The following LILRB3 variants were observed in gnomAD, a reference collection of about 807,000 sequenced individuals.
The protein encoded by LILRB3 is leukocyte immunoglobulin-like receptor subfamily B member 3.
Under a neutral mutation model 68.2 loss-of-function variants are expected in LILRB3, and 32 were observed. The ratio of observed to expected loss-of-function variants is 0.47; its 90% CI spans 0.35 to 0.63. LILRB3 has a LOEUF of 0.63. Among genes scored for constraint, LILRB3 ranks in the 30% least tolerant of loss-of-function variants. The pLI, the probability that LILRB3 is intolerant of heterozygous loss-of-function variation, is 0.00. For synonymous variants in LILRB3, 185 were observed against 323.1 expected, an observed-to-expected ratio of 0.57 and a Z score of 4.58; for missense variants, 502 against 791.3, an observed-to-expected ratio of 0.63 and a Z score of 4.39.
chr19:54,219,545 A>C, intron 7 of LILRB3: 1 of 1,550,286 alleles, frequency 6.5e-7, no homozygotes. Context: ...AAAGAGCCTG[A>C]CCGTCCTGAA....
At position 54,220,127 on chromosome 19, in the gene LILRB3, C is replaced by T. The variant is rs376976191; in HGVS notation, c.1309+28G>A. The T allele has an allele frequency of 8.4e-5, 127 of 1,508,230 alleles. 1 individual carries two copies. The highest frequency in any genetic ancestry group is 1.1e-4 in the Non-Finnish European group (118 of 1,119,212). The allele number at this position is 1,508,230 out of a possible 1,614,324, so 93.4% of individuals were successfully genotyped here. On this transcript the variant is annotated intron_variant, in intron 7 of 12. Coordinates refer to ENST00000445347, the Ensembl canonical transcript of LILRB3. The stretch of plus-strand genomic sequence containing the variant: ...ACTCAGACTGCCCTGGGGGAGGCGG[C>T]GCTCCCCAAGAGGCCTCAGTGACTC...
chr19:54,219,458 A>C (rs1192630490), intron 7 of LILRB3: 6 of 1,539,268 alleles, frequency 3.9e-6, no homozygotes, highest in Non-Finnish European at 4.4e-6. Flanking sequence ...AGGAAGCGGC[A>C]GAGCTGGGAA....
At chr19:54,221,443 T>C in intron 4 of LILRB3, 64 bp from the exon 5 acceptor site, 1 of 1,518,734 alleles carries the variant, frequency 6.6e-7, no homozygotes, top group African/African-American at 1.4e-5. Flanking sequence ...CCTTCTCCCG[T>C]CCTGGCCCTG....
chr19:54,216,535 C>A (rs1568928155), exon 13 of LILRB3: 2 of 675,758 alleles, frequency 3.0e-6, no homozygotes, highest in Non-Finnish European at 3.7e-6. Flanking sequence ...TGGTCTCGAT[C>A]TCCTGACCTC....
In LILRB3 at chr19:54,221,822, C is replaced by T. The variant is rs1290470275; in HGVS notation, c.658+6G>A. ...AGTGTGTTAGACAAGGCCGTGGCTC[C>T]CTCACCTGAGGGCAGAATCTCCAGG... is the stretch of plus-strand genomic sequence containing the variant. On this transcript the variant is annotated splice_donor_region_variant and intron_variant, in intron 4 of 12. Coordinates refer to ENST00000445347, the Ensembl canonical transcript of LILRB3. 1.3e-3 allele frequency: 2,018 copies of T among 1,591,072 alleles called. 3 individuals carry two copies. In the African/African-American group the frequency reaches 0.026, roughly 20 times the overall value.
intron 2 of LILRB3, 44 bp downstream of exon 2, chr19:54,222,703 C>A: frequency 6.2e-7 from 1 of 1,612,538 alleles, no homozygotes; most frequent in Non-Finnish European, 8.5e-7. Flanking sequence ...GGCCCCCTGT[C>A]CCAGTGAGGA....
chr19:54,219,903 C>T lies in LILRB3; in HGVS notation c.1309+252G>A. 3 of 1,546,404 alleles carry T rather than the reference C, an allele frequency of 1.9e-6. No individual in the cohort carries two copies. In the South Asian group the frequency reaches 3.6e-5, roughly 18 times the overall value. ...GGCCTGACCCTGGGGGGTTAAGGGG[C>T]TGGTCCTCAGGACCTCCTGGGTCAG... On this transcript the variant is annotated intron_variant, in intron 7 of 12. Transcript: ENST00000445347.
exon 3 of LILRB3, chr19:54,222,342 G>A: frequency 6.2e-7 from 1 of 1,602,466 alleles, no homozygotes; most frequent in Non-Finnish European, 8.5e-7. Flanking sequence ...AATAGTGGCA[G>A]CGGTATCTCC....
exon 13 of LILRB3, chr19:54,216,844 G>GTTTTTGT: frequency 7.1e-7 from 1 of 1,402,766 alleles, no homozygotes; most frequent in Non-Finnish European, 9.3e-7. Flanking sequence ...CTTTACGTCT[G>GTTTTTGT]TTTTTGTTTT....
chr19:54,217,669 C>T (rs969700932), intron 11 of LILRB3, 195 bp from the exon 12 acceptor site: 51 of 969,414 alleles, frequency 5.3e-5, no homozygotes, highest in Non-Finnish European at 7.1e-5. Context: ...TGACCTTGCC[C>T]ATTTGGCTGC....
Position 54,219,254 on chromosome 19 carries a change from G to C in LILRB3, c.1310-9C>G. On this transcript the variant is annotated splice_polypyrimidine_tract_variant and intron_variant, in intron 7 of 12. Coordinates refer to ENST00000445347, the Ensembl canonical transcript of LILRB3. ...CAGGTATCTTCCCAGACCTTGACAT[G>C]AGGACGTCAGGAGTGGGAATGATGT... 1 of 1,547,976 alleles carries C rather than the reference G, an allele frequency of 6.5e-7. No homozygotes were observed. The highest frequency in any genetic ancestry group is 8.7e-7 in the Non-Finnish European group (1 of 1,148,210).
rs879101222 is a variant in LILRB3, at chr19:54,219,491, C to CA, written c.1310-247dup. On this transcript the variant is annotated intron_variant, in intron 7 of 12. Coordinates refer to ENST00000445347, the Ensembl canonical transcript of LILRB3. ...GAAGGGAGCCCGGGAGTCTGACCTGCAGCCCTTGTTCCTGCACCAGAGCCG... is the reference window on the plus strand; with the variant it reads ...GAAGGGAGCCCGGGAGTCTGACCTGCAAGCCCTTGTTCCTGCACCAGAGCCG... 6 of 1,550,222 alleles carry CA rather than the reference C, an allele frequency of 3.9e-6. No individual in the cohort carries two copies. In the South Asian group the frequency reaches 7.1e-5, roughly 18 times the overall value.
rs140892122 is a variant in LILRB3, at chr19:54,220,097, G to C, written c.1309+58C>G. The stretch of plus-strand genomic sequence containing the variant: ...TGAGGGGAGGGGAGTGGGATCCTTT[G>C]GGAGACTCAGACTGCCCTGGGGGAG... On this transcript the variant is annotated intron_variant, in intron 7 of 12. Transcript: ENST00000445347. 1.9e-3 allele frequency: 2,813 copies of C among 1,504,902 alleles called. 20 individuals are homozygous for C. In the African/African-American group the frequency reaches 0.035, roughly 19 times the overall value. 93.2% of individuals were successfully genotyped at this position (1,504,902 alleles called of 1,614,324 possible).
At chr19:54,219,752 C>G (rs117449986) in intron 7 of LILRB3, 163,325 of 1,475,218 alleles carry the variant, frequency 0.11, 9,554 homozygotes, top group Middle Eastern at 0.15. Flanking sequence ...AACTGAGGCC[C>G]AGGCAGGGGA....
chr19:54,222,319 C>T (rs2078272645), exon 3 of LILRB3: 1 of 1,609,418 alleles, frequency 6.2e-7, no homozygotes, highest in Admixed American at 1.7e-5. Flanking sequence ...CTCTGACCAG[C>T]CTGCAGAGCT....
At chr19:54,216,959 C>G in exon 13 of LILRB3, 1 of 1,512,260 alleles carries the variant, frequency 6.6e-7, no homozygotes, top group Non-Finnish European at 8.9e-7. Context: ...CCACAAGTTC[C>G]CAGCGTCTCC....
rs187929331 is a variant in LILRB3 at position 54,219,190 on chromosome 19, C to T, written c.1365G>A (p.Leu455=). The change falls in exon 8 of 13, where the codon CTG becomes CTA. Residue 455 remains leucine, a synonymous_variant. Transcript: ENST00000445347. The stretch of plus-strand genomic sequence containing the variant: ...GGAGGAGGAAGAGGAGGAGGAAGAG[C>T]AGCAGGACGAAGGCCACCGAGACCC... The T allele has an allele frequency of 5.6e-6, 9 of 1,603,234 alleles. No individual in the cohort carries two copies. The African/African-American group carries it at 1.2e-4, about 22-fold the overall frequency.
At chr19:54,216,827 A>G in exon 13 of LILRB3, 1 of 1,358,314 alleles carries the variant, frequency 7.4e-7, no homozygotes, top group African/African-American at 1.5e-5. Context: ...TGAGTACCAC[A>G]CCCGGCCTTT....
intron 11 of LILRB3, among the ~76,000 whole-genome samples, chr19:54,217,971 G>A (rs2077657511): frequency 6.7e-6 from 1 of 148,570 alleles, no homozygotes; most frequent in Non-Finnish European, 1.5e-5. Context: ...AGGCGGGGGC[G>A]GCTTTGCTCC....
Sources: allele counts gnomAD v4.1 joint callset (sites outside exome capture counted in the v4.1 genomes callset), GRCh38; gene constraint gnomAD v4.1.1; transcripts MANE v1.5; gene names NCBI Gene and HGNC (gene_info 2026-07-23, HGNC 2026-07-21).